TAB2: variants seen among roughly 807,000 people sequenced by gnomAD.
The protein encoded by TAB2 is TGF-beta-activated kinase 1 and MAP3K7-binding protein 2.
Under a neutral mutation model 65.0 loss-of-function variants are expected in TAB2, and 3 were observed. The ratio of observed to expected loss-of-function variants is 0.05; its 90% confidence interval spans 0.02 to 0.12. TAB2 has a LOEUF of 0.12. Ranked by LOEUF, TAB2 falls within the 10% of genes least tolerant of loss-of-function variation. The probability of loss-of-function intolerance (pLI) is 1.00; values close to 1 mark genes in which losing one functional copy is unlikely to be tolerated. For synonymous variants in TAB2, 298 were observed against 285.1 expected, an observed-to-expected ratio of 1.05 and a Z score of -0.46; for missense variants, 623 against 840.3, an observed-to-expected ratio of 0.74 and a Z score of 3.20.
chr6:149,236,562 A>G (rs1439571470), intron 1 of TAB2, among the ~76,000 whole-genome samples: 3 of 152,236 alleles, frequency 2.0e-5, no homozygotes, highest in Non-Finnish European at 4.4e-5. Context: ...AATGGCCCAG[A>G]AAAAGAGATA....
intron 1 of TAB2, among the ~76,000 whole-genome samples, chr6:149,355,336 G>C (rs1780620367): frequency 6.6e-6 from 1 of 152,092 alleles, no homozygotes; most frequent in African/African-American, 2.4e-5. Flanking sequence ...AAGTTAAGCT[G>C]TTTGGTTCTT....
At chr6:149,229,393 CGT>C (rs10553494) in intron 1 of TAB2, among the ~76,000 whole-genome samples, 96,130 of 148,976 alleles carry the variant, frequency 0.65, 31,167 homozygotes, top group Middle Eastern at 0.8. Flanking sequence ...CCTTTAAAGA[CGT>C]GTGTGTGTGT....
intron 1 of TAB2, among the ~76,000 whole-genome samples, chr6:149,231,596 T>C (rs1453104018): frequency 6.6e-6 from 1 of 152,220 alleles, no homozygotes; most frequent in Non-Finnish European, 1.5e-5. Context: ...GGAAAAGCAC[T>C]TAATCACTGC....
intron 1 of TAB2, among the ~76,000 whole-genome samples, chr6:149,357,030 T>C (rs1320986282): frequency 6.6e-6 from 1 of 152,288 alleles, no homozygotes; most frequent in African/African-American, 2.4e-5. Flanking sequence ...ATTATGACAT[T>C]TATAACAGTC....
At chr6:149,279,487 C>A (rs943438954) in intron 1 of TAB2, among the ~76,000 whole-genome samples, 2 of 152,120 alleles carry the variant, frequency 1.3e-5, no homozygotes, top group East Asian at 3.9e-4. Flanking sequence ...TGATTTCTAC[C>A]CTTCAAGGGG....
Position 149,378,387 on chromosome 6 carries a change from C to T in TAB2, c.472C>T (p.His158Tyr), listed in dbSNP as rs139897844. ...AAATTCAGCACCACATCTTGGATTT[C>T]ACTTAGGCAGCAAAGGAACATCTAG... ...ASNSAPHLGF[H>Y]LGSKGTSSLS... The change falls in exon 3 of 7, where the codon CAC (histidine) becomes TAC (tyrosine). Residue 158 changes from histidine to tyrosine, a missense_variant. Physicochemically the swap from His to Tyr is moderately conservative, Grantham distance 83. Transcript: ENST00000637181. The T allele has an allele frequency of 7.9e-5, 127 of 1,614,208 alleles. No homozygotes were observed. In the African/African-American group the frequency reaches 1.4e-3, roughly 17 times the overall value.
chr6:149,324,317 A>G (rs953594524), intron 1 of TAB2, among the ~76,000 whole-genome samples: 2 of 152,198 alleles, frequency 1.3e-5, no homozygotes, highest in East Asian at 1.9e-4. Flanking sequence ...ATAATCCATT[A>G]AAATGTGTAG....
Position 149,411,152 on chromosome 6 carries a change from TAA to T in TAB2, c.*1437_*1438del, listed in dbSNP as rs1431554106. On this transcript the variant is annotated 3_prime_UTR_variant, in exon 7 of 7. Coordinates refer to ENST00000637181, the MANE Select transcript of TAB2 (RefSeq NM_001292034.3). ...ATCAAGAAAAAGAACAGTATGCATT[TAA>T]AAAGACAGAATTATGAAATTATATG... The T allele has an allele frequency of 1.3e-5, 2 of 152,612 alleles. No homozygotes were observed. The highest frequency in any genetic ancestry group is 2.9e-5 in the Non-Finnish European group (2 of 68,026). 9.5% of individuals were successfully genotyped at this position (152,612 alleles called of 1,614,324 possible).
chr6:149,272,332 C>T (rs750659985), intron 1 of TAB2, among the ~76,000 whole-genome samples: 23 of 152,196 alleles, frequency 1.5e-4, no homozygotes, highest in Non-Finnish European at 2.1e-4. Context: ...ACTTAAACAA[C>T]GCAGACATAT....
chr6:149,318,145 C>G (rs2114720385), intron 1 of TAB2, 130 bp downstream of exon 1: 1 of 153,518 alleles, frequency 6.5e-6, no homozygotes, highest in Admixed American at 6.5e-5. Context: ...TCGCTTCTAA[C>G]TTGCACTCTT....
intron 1 of TAB2, among the ~76,000 whole-genome samples, chr6:149,326,584 T>C (rs1047537598): frequency 1.3e-5 from 2 of 151,990 alleles, no homozygotes; most frequent in South Asian, 2.1e-4. Flanking sequence ...GTCTTGCTCT[T>C]TTGTCCAGGC....
chr6:149,241,949 G>A (rs1777605878), intron 1 of TAB2, among the ~76,000 whole-genome samples: 1 of 152,094 alleles, frequency 6.6e-6, no homozygotes. Flanking sequence ...GGGCCCCGAG[G>A]TCATCCTTGG....
intron 1 of TAB2, among the ~76,000 whole-genome samples, chr6:149,283,605 G>A (rs535456877): frequency 7.2e-5 from 11 of 152,248 alleles, no homozygotes; most frequent in Admixed American, 3.9e-4. Flanking sequence ...AGCTATTCGG[G>A]AGGCTGAGGC....
At chr6:149,248,452 A>AAGGAAGGAAGG (rs1562387099) in intron 1 of TAB2, among the ~76,000 whole-genome samples, 6 of 54,704 alleles carry the variant, frequency 1.1e-4, no homozygotes, top group African/African-American at 2.7e-4. Context: ...AGGAAGGAAG[A>AAGGAAGGAAGG]AAAGAAGGAA....
intron 1 of TAB2, among the ~76,000 whole-genome samples, chr6:149,264,178 A>G (rs1778213976): frequency 6.6e-6 from 1 of 152,182 alleles, no homozygotes; most frequent in Non-Finnish European, 1.5e-5. Context: ...CTTGGCAAGT[A>G]CTAGGGACCT....
chr6:149,387,539 G>A (rs1781844576), intron 3 of TAB2, among the ~76,000 whole-genome samples: 1 of 152,048 alleles, frequency 6.6e-6, no homozygotes, highest in Non-Finnish European at 1.5e-5. Flanking sequence ...GGACATGTGA[G>A]TTCTCCTGCT....
intron 1 of TAB2, among the ~76,000 whole-genome samples, chr6:149,352,707 C>T (rs1780530469): frequency 6.6e-6 from 1 of 152,126 alleles, no homozygotes; most frequent in African/African-American, 2.4e-5. Context: ...GTAAACTTTA[C>T]TTGAAGAAAC....
intron 1 of TAB2, among the ~76,000 whole-genome samples, chr6:149,361,264 TTC>T (rs552935116): frequency 1.5e-3 from 227 of 152,230 alleles, no homozygotes; most frequent in African/African-American, 5.1e-3. Context: ...CACCCAGACT[TTC>T]TCATACATCC....
Position 149,397,966 on chromosome 6 carries a change from C to A in TAB2, c.1765-3C>A. ...ATCTTACTTACATAGAATTATTTTT[C>A]AGCTTGAAGAAATGCAGCAGCTGAG... On this transcript the variant is annotated splice_polypyrimidine_tract_variant and splice_region_variant and intron_variant, in intron 4 of 6. Coordinates refer to ENST00000637181, the MANE Select transcript of TAB2 (RefSeq NM_001292034.3). 6.2e-7 allele frequency: 1 copy of A among 1,612,692 alleles called. No individual in the cohort carries two copies. The highest frequency in any genetic ancestry group is 1.1e-5 in the South Asian group (1 of 91,020).
Sources: allele counts gnomAD v4.1 joint callset (sites outside exome capture counted in the v4.1 genomes callset), GRCh38; gene constraint gnomAD v4.1.1; transcripts MANE v1.5; gene names NCBI Gene and HGNC (gene_info 2026-07-23, HGNC 2026-07-21).